PRKCE: variants seen among roughly 807,000 people sequenced by gnomAD.
The protein encoded by PRKCE is protein kinase C epsilon, also known as protein kinase C epsilon type.
A neutral mutation model predicts 85.4 loss-of-function variants in PRKCE; 16 were observed. The observed-to-expected ratio is 0.19, with a 90% CI of 0.13 to 0.28. The LOEUF (loss-of-function observed/expected upper bound fraction) is 0.28, where lower values mean the gene tolerates loss of function less well. Ranked by LOEUF, PRKCE falls within the 10% of genes least tolerant of loss-of-function variation. PRKCE has a pLI of 1.00. For synonymous variants in PRKCE, 388 were observed against 371.5 expected (o/e 1.04, Z -0.51); for missense variants, 573 against 975.2 (o/e 0.59, Z 5.49).
intron 1 of PRKCE, among the ~76,000 whole-genome samples, chr2:45,730,191 C>G (rs1012666215): frequency 6.6e-6 from 1 of 152,116 alleles, no homozygotes; most frequent in Non-Finnish European, 1.5e-5. Context: ...AGACAGGGTT[C>G]CGCTCTGTCA....
At chr2:46,073,946 T>G (rs919398896) in intron 10 of PRKCE, 1 of 152,118 alleles carries the variant, frequency 6.6e-6, no homozygotes, top group Non-Finnish European at 1.5e-5. Context: ...TGCTCTCACG[T>G]GTCATCTCTT....
At chr2:46,101,490 A>G (rs1257634470) in intron 11 of PRKCE, among the ~76,000 whole-genome samples, 1 of 152,200 alleles carries the variant, frequency 6.6e-6, no homozygotes, top group East Asian at 1.9e-4. Flanking sequence ...GAGAGGGAAC[A>G]CCAAATGGGT....
intron 1 of PRKCE, among the ~76,000 whole-genome samples, chr2:45,731,617 A>ATTTTTTTTTTTTTTTTTTTTTTTTTT (rs11329717): frequency 1.8e-5 from 2 of 108,584 alleles, no homozygotes; most frequent in Non-Finnish European, 3.8e-5. Flanking sequence ...AATTCCTGGA[A>ATTTTTTTTTTTTTTTTTTTTTTTTTT]TTTTTTTTTT....
chr2:45,806,422 T>C (rs962303549), intron 1 of PRKCE, among the ~76,000 whole-genome samples: 2 of 152,226 alleles, frequency 1.3e-5, no homozygotes, highest in African/African-American at 4.8e-5. Context: ...ATTTTAGAAG[T>C]TGTGGCAAAA....
chr2:45,859,164 A>C (rs1573635537), intron 2 of PRKCE, among the ~76,000 whole-genome samples: 2 of 152,090 alleles, frequency 1.3e-5, no homozygotes, highest in South Asian at 2.1e-4. Flanking sequence ...GTGTGGCTGC[A>C]GTTCGTTTTT....
intron 2 of PRKCE, among the ~76,000 whole-genome samples, chr2:45,909,656 C>T (rs1697235067): frequency 6.6e-6 from 1 of 152,190 alleles, no homozygotes; most frequent in Non-Finnish European, 1.5e-5. Flanking sequence ...TTCCTCATCC[C>T]CTACCCCCAT....
chr2:46,164,179 A>C (rs1678089764), intron 14 of PRKCE, among the ~76,000 whole-genome samples: 1 of 152,322 alleles, frequency 6.6e-6, no homozygotes, highest in Admixed American at 6.5e-5. Flanking sequence ...AAAACCTCCA[A>C]GTTACTGGAT....
chr2:46,024,640 T>C (rs1047547478), intron 10 of PRKCE, among the ~76,000 whole-genome samples: 2 of 152,160 alleles, frequency 1.3e-5, no homozygotes, highest in African/African-American at 4.8e-5. Flanking sequence ...CCTGAGAAGT[T>C]TGTGGCCTTC....
intron 10 of PRKCE, among the ~76,000 whole-genome samples, chr2:46,026,544 G>T (rs1707126841): frequency 6.6e-6 from 1 of 152,168 alleles, no homozygotes; most frequent in African/African-American, 2.4e-5. Flanking sequence ...AAATATTTAG[G>T]TTGAAAAGGT....
At chr2:45,665,568 C>T (rs1675871572) in intron 1 of PRKCE, among the ~76,000 whole-genome samples, 2 of 152,136 alleles carry the variant, frequency 1.3e-5, no homozygotes, top group South Asian at 4.1e-4. Flanking sequence ...CTCTTTGGTA[C>T]CCATGCTCCT....
chr2:45,974,302 G>A (rs1462007887), intron 2 of PRKCE, among the ~76,000 whole-genome samples: 1 of 152,220 alleles, frequency 6.6e-6, no homozygotes, highest in Non-Finnish European at 1.5e-5. Flanking sequence ...GTCCTCCCGT[G>A]AGAATTTGGT....
chr2:45,797,230 G>T (rs769696096), intron 1 of PRKCE, among the ~76,000 whole-genome samples: 2 of 152,198 alleles, frequency 1.3e-5, no homozygotes, highest in African/African-American at 2.4e-5. Flanking sequence ...CAGTTGGAAG[G>T]CCACTTTACT....
intron 2 of PRKCE, among the ~76,000 whole-genome samples, chr2:45,846,064 C>T (rs1691764082): frequency 6.6e-6 from 1 of 152,108 alleles, no homozygotes; most frequent in African/African-American, 2.4e-5. Flanking sequence ...TGGGAAGCTC[C>T]AGTCTCAGTC....
intron 10 of PRKCE, among the ~76,000 whole-genome samples, chr2:46,038,239 C>T (rs1211438644): frequency 6.6e-6 from 1 of 152,060 alleles, no homozygotes; most frequent in Non-Finnish European, 1.5e-5. Context: ...AACATACTGG[C>T]AGCAAACGCC....
chr2:45,874,081 T>C (rs148813508), intron 2 of PRKCE, among the ~76,000 whole-genome samples: 7 of 152,336 alleles, frequency 4.6e-5, no homozygotes, highest in African/African-American at 1.7e-4. Flanking sequence ...TGCTGTAAGG[T>C]GCCCACAAGG....
At position 45,697,033 on chromosome 2, in the gene PRKCE, C is replaced by T. The variant is rs142777613; in HGVS notation, c.348+44585C>T. On this transcript the variant is annotated intron_variant, in intron 1 of 14. Coordinates refer to ENST00000306156, the MANE Select transcript of PRKCE (RefSeq NM_005400.3). The surrounding 1 kb of genome is among the most constrained non-coding windows in gnomAD (Gnocchi z 4.2). The stretch of plus-strand genomic sequence containing the variant: ...TTGCCACCAAGGCCCATGTTTGGTG[C>T]AGAGCTGAAAGCAAACCTTTTTGTG... 3.4e-3 allele frequency among the ~76,000 whole-genome samples: 520 copies of T among 152,344 alleles called. 3 individuals carry two copies. Among genetic ancestry groups the T allele is most frequent in the African/African-American group, 0.012 (487 of 41,574 alleles).
At chr2:45,690,943 A>G (rs565882969) in intron 1 of PRKCE, among the ~76,000 whole-genome samples, 28 of 152,382 alleles carry the variant, frequency 1.8e-4, no homozygotes, top group African/African-American at 6.5e-4. Context: ...AAGTCAGGGC[A>G]CTGCAAATTT....
At chr2:45,766,064 T>C (rs1312383588) in intron 1 of PRKCE, among the ~76,000 whole-genome samples, 1 of 152,180 alleles carries the variant, frequency 6.6e-6, no homozygotes, top group Non-Finnish European at 1.5e-5. Context: ...TAGGGGAGAT[T>C]ATTTTAGGAC....
intron 1 of PRKCE, among the ~76,000 whole-genome samples, chr2:45,800,318 G>A (rs561731153): frequency 1.2e-4 from 18 of 152,182 alleles, no homozygotes; most frequent in Non-Finnish European, 2.5e-4. Flanking sequence ...GAGAGCATGG[G>A]GAGTCACACT....
Sources: allele counts gnomAD v4.1 joint callset (sites outside exome capture counted in the v4.1 genomes callset), GRCh38; gene constraint gnomAD v4.1.1; non-coding constraint Gnocchi (gnomAD v3.1); transcripts MANE v1.5; gene names NCBI Gene and HGNC (gene_info 2026-07-23, HGNC 2026-07-21).